The following DPP10 variants were observed in gnomAD, a reference collection of about 807,000 sequenced individuals.
DPP10 encodes inactive dipeptidyl peptidase 10.
DPP10 carries 33 observed loss-of-function variants against 120.9 expected under a neutral mutation model. The observed-to-expected ratio is 0.27, with a 90% CI of 0.21 to 0.37. DPP10 has a LOEUF of 0.37. Among genes scored for constraint, DPP10 ranks in the 10% least tolerant of loss-of-function variants. The pLI, the probability that DPP10 is intolerant of heterozygous loss-of-function variation, is 1.00. For synonymous variants in DPP10, 337 were observed against 326.1 expected, an observed-to-expected ratio of 1.03 and a Z score of -0.36; for missense variants, 816 against 942.8, an observed-to-expected ratio of 0.87 and a Z score of 1.76.
At chr2:114,844,844 G>A (rs1688421004) in intron 1 of DPP10, among the ~76,000 whole-genome samples, 1 of 152,184 alleles carries the variant, frequency 6.6e-6, no homozygotes, top group East Asian at 1.9e-4. Flanking sequence ...CATAGAGTTA[G>A]GGGTGGGAGA....
intron 12 of DPP10, among the ~76,000 whole-genome samples, chr2:115,767,037 T>C (rs1301013481): frequency 1.3e-5 from 2 of 151,930 alleles, no homozygotes. Context: ...AGAAAGAAAA[T>C]AAAAGGAGAT....
At chr2:115,420,867 T>A (rs1395524793) in intron 3 of DPP10, among the ~76,000 whole-genome samples, 2 of 152,146 alleles carry the variant, frequency 1.3e-5, no homozygotes, top group African/African-American at 4.8e-5. Context: ...GAGGAAAATA[T>A]CAGATACTCA....
chr2:115,336,210 G>A (rs1320306762), intron 2 of DPP10, among the ~76,000 whole-genome samples: 2 of 151,796 alleles, frequency 1.3e-5, no homozygotes, highest in African/African-American at 2.4e-5. Context: ...AGCAAGATTG[G>A]ATTTTTGGAA....
intron 5 of DPP10, among the ~76,000 whole-genome samples, chr2:115,684,700 T>G (rs776784931): frequency 4.6e-5 from 7 of 151,924 alleles, no homozygotes; most frequent in Non-Finnish European, 1.0e-4. Flanking sequence ...TGGGATACAC[T>G]GCTCTTTTTT....
intron 2 of DPP10, among the ~76,000 whole-genome samples, chr2:115,338,936 G>A (rs545942602): frequency 9.1e-4 from 138 of 152,180 alleles, no homozygotes; most frequent in Middle Eastern, 6.8e-3. Context: ...ATTCATAAAA[G>A]GAAAAATTGA....
intron 1 of DPP10, among the ~76,000 whole-genome samples, chr2:115,191,625 T>C (rs1573956268): frequency 6.6e-6 from 1 of 152,330 alleles, no homozygotes; most frequent in East Asian, 1.9e-4. Context: ...CCTAGGACTA[T>C]GGCCCATGAC....
intron 3 of DPP10, among the ~76,000 whole-genome samples, chr2:115,422,046 G>A (rs1236444443): frequency 4.6e-5 from 7 of 152,022 alleles, no homozygotes; most frequent in Admixed American, 4.6e-4. Flanking sequence ...TTTGATTCCT[G>A]TAGAAGATGA....
At chr2:115,387,231 A>G (rs1442258124) in intron 3 of DPP10, among the ~76,000 whole-genome samples, 1 of 152,104 alleles carries the variant, frequency 6.6e-6, no homozygotes, top group Non-Finnish European at 1.5e-5. Flanking sequence ...GAAGGCTCCA[A>G]TGGAGATGGG....
At chr2:115,411,493 A>G (rs2068953324) in intron 3 of DPP10, among the ~76,000 whole-genome samples, 1 of 152,194 alleles carries the variant, frequency 6.6e-6, no homozygotes, top group African/African-American at 2.4e-5. Context: ...GTCTTAGTAA[A>G]GTATTGAAAG....
At chr2:114,502,220 T>G (rs923328096) in intron 1 of DPP10, among the ~76,000 whole-genome samples, 2 of 152,188 alleles carry the variant, frequency 1.3e-5, no homozygotes, top group Non-Finnish European at 2.9e-5. Flanking sequence ...CCCAAAGTGC[T>G]GGGATAACAG....
At chr2:114,448,703 T>C (rs902267137) in intron 1 of DPP10, among the ~76,000 whole-genome samples, 9 of 152,188 alleles carry the variant, frequency 5.9e-5, no homozygotes, top group African/African-American at 2.2e-4. Flanking sequence ...AAGAATTGTC[T>C]GAGTACCACA....
chr2:114,829,460 T>C (rs1328243910), intron 1 of DPP10, among the ~76,000 whole-genome samples: 1 of 149,892 alleles, frequency 6.7e-6, no homozygotes, highest in Non-Finnish European at 1.5e-5. Context: ...CTCGGCTCAC[T>C]GCAACCTCCG....
At chr2:114,527,345 G>A (rs367797157) in intron 1 of DPP10, among the ~76,000 whole-genome samples, 3 of 152,098 alleles carry the variant, frequency 2.0e-5, no homozygotes, top group Non-Finnish European at 4.4e-5. Flanking sequence ...GCAGCACATC[G>A]CATTCTACCA....
At chr2:114,933,765 C>T (rs1055622994) in intron 1 of DPP10, among the ~76,000 whole-genome samples, 8 of 152,150 alleles carry the variant, frequency 5.3e-5, no homozygotes, top group African/African-American at 1.9e-4. Flanking sequence ...GCCTTGGGGA[C>T]TGTTTACAAA....
At chr2:115,479,281 A>C (rs2105252046) in intron 3 of DPP10, among the ~76,000 whole-genome samples, 1 of 152,252 alleles carries the variant, frequency 6.6e-6, no homozygotes, top group Non-Finnish European at 1.5e-5. Flanking sequence ...TCTAAGGTTC[A>C]TCCATGCTAA....
chr2:114,817,581 C>T (rs1685746291), intron 1 of DPP10, among the ~76,000 whole-genome samples: 1 of 151,744 alleles, frequency 6.6e-6, no homozygotes, highest in Non-Finnish European at 1.5e-5. Context: ...ACTAGAATCT[C>T]ATCAAGACAA....
intron 3 of DPP10, among the ~76,000 whole-genome samples, chr2:115,414,700 A>G (rs763239390): frequency 3.9e-5 from 6 of 152,192 alleles, no homozygotes; most frequent in Admixed American, 6.5e-5. Context: ...ATTTGTCCAA[A>G]GAAAGTAATG....
intron 1 of DPP10, among the ~76,000 whole-genome samples, chr2:115,093,105 T>A (rs1709419615): frequency 6.6e-6 from 1 of 152,178 alleles, no homozygotes; most frequent in Non-Finnish European, 1.5e-5. Flanking sequence ...TAGCTTGAAC[T>A]CAGTGAAGCA....
intron 3 of DPP10, among the ~76,000 whole-genome samples, chr2:115,443,486 G>C (rs981916320): frequency 3.0e-4 from 45 of 152,216 alleles, no homozygotes; most frequent in African/African-American, 1.0e-3. Context: ...GAATTGGACA[G>C]ATTTTACTCT....
Sources: gnomAD v4.1 joint callset for allele counts (sites outside exome capture counted in the v4.1 genomes callset) on GRCh38, gnomAD v4.1.1 for gene constraint, MANE v1.5 for transcripts, NCBI Gene and HGNC (gene_info 2026-07-23, HGNC 2026-07-21) for gene names.